Variants in RGL1 observed in about 807,000 individuals in gnomAD.
RGL1 encodes the protein ral guanine nucleotide dissociation stimulator-like 1.
Under a neutral mutation model 95.2 loss-of-function variants are expected in RGL1, and 24 were observed. That is an observed-to-expected ratio of 0.25 (90% CI 0.18 to 0.35). The LOEUF (loss-of-function observed/expected upper bound fraction) is 0.35, where lower values mean the gene tolerates loss of function less well. RGL1 is among the 10% of genes least tolerant of loss of function. The probability of loss-of-function intolerance (pLI) is 1.00; values close to 1 mark genes in which losing one functional copy is unlikely to be tolerated. For missense variants in RGL1, 715 were observed against 936.3 expected, an observed-to-expected ratio of 0.76 and a Z score of 3.08; for synonymous variants, 329 against 344.9, an observed-to-expected ratio of 0.95 and a Z score of 0.51.
intron 15 of RGL1, among the ~76,000 whole-genome samples, chr1:183,915,452 G>A (rs540596868): frequency 2.0e-5 from 3 of 152,286 alleles, no homozygotes; most frequent in African/African-American, 7.2e-5. Flanking sequence ...GATGAGAAAT[G>A]TGTAGTTAAT....
intron 17 of RGL1, among the ~76,000 whole-genome samples, chr1:183,925,181 A>G (rs1455384090): frequency 6.6e-6 from 1 of 152,228 alleles, no homozygotes; most frequent in Non-Finnish European, 1.5e-5. Flanking sequence ...CACTTGGAGA[A>G]GAGACCTATC....
chr1:183,880,086 A>T (rs1666736650), intron 4 of RGL1, among the ~76,000 whole-genome samples: 1 of 152,374 alleles, frequency 6.6e-6, no homozygotes, highest in Non-Finnish European at 1.5e-5. Flanking sequence ...TAATTTTATG[A>T]GGACATTTTC....
chr1:183,689,912 G>T (rs1224843791), intron 1 of RGL1, among the ~76,000 whole-genome samples: 1 of 152,170 alleles, frequency 6.6e-6, no homozygotes, highest in South Asian at 2.1e-4. Flanking sequence ...CTGCTTTCAG[G>T]GGTTTACCAG....
Position 183,916,443 on chromosome 1 carries a change from C to T in RGL1, c.1750-4C>T. 2 of 1,613,802 alleles carry T rather than the reference C, an allele frequency of 1.2e-6. No homozygotes were observed. Among genetic ancestry groups the T allele is most frequent in the Non-Finnish European group, 1.7e-6 (2 of 1,179,786 alleles). On this transcript the variant is annotated splice_polypyrimidine_tract_variant and splice_region_variant and intron_variant, in intron 15 of 17. Coordinates refer to ENST00000360851, the MANE Select transcript of RGL1 (RefSeq NM_001297671.3). ...TTTCTTCTGGGGTGTGTTTACTCTT[C>T]CAGCTCTCTGAGTCCTCCTCATCCT... is the stretch of plus-strand genomic sequence containing the variant.
At chr1:183,897,594 T>C (rs1379013324) in intron 9 of RGL1, among the ~76,000 whole-genome samples, 1 of 150,748 alleles carries the variant, frequency 6.6e-6, no homozygotes, top group East Asian at 2.0e-4. Context: ...AAAATCCAAG[T>C]CCACCAGCCT....
chr1:183,771,252 A>G (rs1432382376), intron 2 of RGL1, among the ~76,000 whole-genome samples: 1 of 151,692 alleles, frequency 6.6e-6, no homozygotes, highest in African/African-American at 2.4e-5. Flanking sequence ...ATTTCTTTAC[A>G]TTTTAGTGTA....
chr1:183,694,102 G>A (rs1473499397), intron 1 of RGL1, among the ~76,000 whole-genome samples: 5 of 152,200 alleles, frequency 3.3e-5, no homozygotes, highest in African/African-American at 1.2e-4. Flanking sequence ...TTCTGAATGG[G>A]TGTTGCTGTG....
chr1:183,751,298 C>T (rs544640689), intron 2 of RGL1, among the ~76,000 whole-genome samples: 2 of 152,342 alleles, frequency 1.3e-5, no homozygotes, highest in East Asian at 3.9e-4. Flanking sequence ...CTGGCTACAG[C>T]AGCTTTCCTG....
At chr1:183,831,789 AG>A (rs1399302380) in intron 2 of RGL1, among the ~76,000 whole-genome samples, 14 of 152,338 alleles carry the variant, frequency 9.2e-5, no homozygotes, top group African/African-American at 3.1e-4. Context: ...CAATTTCTAG[AG>A]ATTTAAATAT....
At chr1:183,858,349 A>G (rs1182607015) in intron 3 of RGL1, among the ~76,000 whole-genome samples, 1 of 152,090 alleles carries the variant, frequency 6.6e-6, no homozygotes, top group Non-Finnish European at 1.5e-5. Flanking sequence ...TTTTTTTCAT[A>G]AAATTTAGGG....
intron 2 of RGL1, among the ~76,000 whole-genome samples, chr1:183,837,527 GACTA>G (rs1663750076): frequency 6.6e-6 from 1 of 152,184 alleles, no homozygotes; most frequent in African/African-American, 2.4e-5. Flanking sequence ...ATGCAACAGT[GACTA>G]TTTTAATTCA....
intron 4 of RGL1, 36 bp from the exon 5 acceptor site, chr1:183,880,580 A>C (rs763129263): frequency 6.2e-7 from 1 of 1,602,946 alleles, no homozygotes; most frequent in Admixed American, 1.7e-5. Flanking sequence ...CCCCACAGCC[A>C]GTTGGGTGCA....
intron 2 of RGL1, among the ~76,000 whole-genome samples, chr1:183,807,227 CAT>C (rs750524954): frequency 5.9e-5 from 9 of 152,152 alleles, no homozygotes; most frequent in African/African-American, 1.2e-4. Flanking sequence ...AAATGTCAAA[CAT>C]GTGGAAGAAT....
chr1:183,855,109 A>G (rs1665053046), intron 3 of RGL1, among the ~76,000 whole-genome samples: 1 of 152,210 alleles, frequency 6.6e-6, no homozygotes, highest in African/African-American at 2.4e-5. Flanking sequence ...CTAACAAATA[A>G]ATAATGGTTA....
At chr1:183,774,154 G>A (rs1365370142) in intron 2 of RGL1, among the ~76,000 whole-genome samples, 2 of 152,144 alleles carry the variant, frequency 1.3e-5, no homozygotes, top group East Asian at 3.9e-4. Context: ...AGGGAACATG[G>A]TGTCTTCCAT....
At chr1:183,646,523 T>A (rs889407861) in intron 1 of RGL1, 1 of 152,154 alleles carries the variant, frequency 6.6e-6, no homozygotes, top group Non-Finnish European at 1.5e-5. Context: ...TGGCAGCAAA[T>A]GTGAAATAAG....
At chr1:183,640,362 C>T (rs1207720463) in intron 1 of RGL1, among the ~76,000 whole-genome samples, 3 of 152,086 alleles carry the variant, frequency 2.0e-5, no homozygotes, top group Admixed American at 1.3e-4. Context: ...TCTTTTATCT[C>T]GTCCATGCAA....
chr1:183,683,662 G>C (rs1317355623), intron 1 of RGL1, among the ~76,000 whole-genome samples: 1 of 152,166 alleles, frequency 6.6e-6, no homozygotes, highest in Admixed American at 6.5e-5. Flanking sequence ...CTCTTCTCGA[G>C]GAGTGTCTTT....
intron 11 of RGL1, 67 bp downstream of exon 11, chr1:183,900,303 A>G: frequency 7.9e-7 from 1 of 1,261,246 alleles, no homozygotes; most frequent in Non-Finnish European, 1.2e-6. Flanking sequence ...AAGAGTAGTT[A>G]ACTTCTCTTA....
Sources: allele counts gnomAD v4.1 joint callset (sites outside exome capture counted in the v4.1 genomes callset), GRCh38; gene constraint gnomAD v4.1.1; transcripts MANE v1.5; gene names NCBI Gene and HGNC (gene_info 2026-07-23, HGNC 2026-07-21).